The following C1QTNF9 variants were observed in gnomAD, a reference collection of about 807,000 sequenced individuals.
The protein encoded by C1QTNF9 is complement C1q and tumor necrosis factor-related protein 9A.
Under a neutral mutation model 10.1 loss-of-function variants are expected in C1QTNF9, and 6 were observed. The observed-to-expected ratio is 0.59, with a 90% CI of 0.32 to 1.17. The LOEUF is 1.17. Among genes scored for constraint, C1QTNF9 ranks in the 50% most tolerant of loss-of-function variants. The probability of loss-of-function intolerance (pLI) is 0.04; values close to 1 mark genes in which losing one functional copy is unlikely to be tolerated. For synonymous variants in C1QTNF9, 98 were observed against 163.5 expected, an observed-to-expected ratio of 0.60 and a Z score of 3.06; for missense variants, 201 against 418.8, an observed-to-expected ratio of 0.48 and a Z score of 4.54.
chr13:24,321,154 G>A lies in C1QTNF9; in HGVS notation c.388G>A (p.Val130Met), dbSNP rs758990283. The A allele has an allele frequency of 2.7e-5, 37 of 1,368,964 alleles. 1 individual carries two copies. In the African/African-American group the frequency reaches 2.9e-4, roughly 11 times the overall value. 84.8% of individuals were successfully genotyped at this position (1,368,964 alleles called of 1,614,324 possible). A position where few individuals can be genotyped will look rare whatever the true frequency, so the allele number is the denominator to read the frequency against. The change falls in exon 4 of 4, where the codon GTG becomes ATG. Residue 130 changes from valine (V) to methionine (M), a missense_variant. Val to Met is a conservative substitution (Grantham distance 21). This residue lies in a region of C1QTNF9 where 62 missense variants were observed against 250.2 expected (regional missense o/e 0.25). Transcript: ENST00000332018. ...GGGGCAGAAGGGGAATAAGGGTGACGTGGGTCCCACTGGTCCTGAGGGGCC... is the reference window on the plus strand; with the variant it reads ...GGGGCAGAAGGGGAATAAGGGTGACATGGGTCCCACTGGTCCTGAGGGGCC...
At chr13:24,308,996 C>T (rs1877708049), upstream of C1QTNF9, among the ~76,000 whole-genome samples, 1 of 152,020 alleles carries the variant, frequency 6.6e-6, no homozygotes, top group African/African-American at 2.4e-5. Flanking sequence ...TACACAAATG[C>T]CTAAACTCGT....
chr13:24,309,284 TA>T (rs1347900886), upstream of C1QTNF9, among the ~76,000 whole-genome samples: 4,630 of 15,290 alleles, frequency 0.3, 593 homozygotes, highest in African/African-American at 0.45. Flanking sequence ...CTTAAAGTAT[TA>T]TATATATATA....
exon 4 of C1QTNF9, chr13:24,321,584 T>C: frequency 6.2e-7 from 1 of 1,614,040 alleles, no homozygotes; most frequent in Non-Finnish European, 8.5e-7. Flanking sequence ...GGAGTAAAAA[T>C]ACTGCACACC....
At chr13:24,320,217 G>A (rs1037811014) in intron 3 of C1QTNF9, among the ~76,000 whole-genome samples, 2 of 152,018 alleles carry the variant, frequency 1.3e-5, no homozygotes, top group Non-Finnish European at 2.9e-5. Context: ...AGTGCTTTCT[G>A]TCATGGATTG....
intron 1 of C1QTNF9, among the ~76,000 whole-genome samples, chr13:24,313,455 G>A (rs901627914): frequency 1.3e-5 from 2 of 152,210 alleles, no homozygotes; most frequent in African/African-American, 4.8e-5. Context: ...ACAAAGTTTG[G>A]TTGATGGAAT....
At chr13:24,309,283 TTATATATATATA>T (rs72150411), upstream of C1QTNF9, among the ~76,000 whole-genome samples, 22 of 68,294 alleles carry the variant, frequency 3.2e-4, 1 homozygote, top group East Asian at 1.1e-3. Context: ...ACTTAAAGTA[TTATATATATATA>T]TATATATATA....
chr13:24,309,306 T>TATATATATATATATATATATATATATATA (rs963863876), upstream of C1QTNF9, among the ~76,000 whole-genome samples: 24 of 134,074 alleles, frequency 1.8e-4, no homozygotes, highest in African/African-American at 7.1e-4. Context: ...TATATATATA[T>TATATATATATATATATATATATATATATA]ATGAAAGAAA....
At chr13:24,314,377 A>AG in intron 1 of C1QTNF9, among the ~76,000 whole-genome samples, 1 of 147,498 alleles carries the variant, frequency 6.8e-6, no homozygotes, top group East Asian at 1.9e-4. Flanking sequence ...GTCTCTCCAA[A>AG]GAAAAAAAAA....
chr13:24,319,297 G>A (rs1447188485), intron 3 of C1QTNF9, among the ~76,000 whole-genome samples: 2 of 152,172 alleles, frequency 1.3e-5, no homozygotes, highest in African/African-American at 2.4e-5. Flanking sequence ...CCAACACTTT[G>A]GGAGGCCCAG....
intron 1 of C1QTNF9, among the ~76,000 whole-genome samples, chr13:24,311,679 G>A (rs1429755808): frequency 2.6e-5 from 4 of 152,218 alleles, no homozygotes; most frequent in Non-Finnish European, 4.4e-5. Flanking sequence ...ATTAGGATGT[G>A]GGCTCAGCTG....
chr13:24,320,733 T>TA (rs962626105), intron 3 of C1QTNF9, among the ~76,000 whole-genome samples: 13 of 151,880 alleles, frequency 8.6e-5, no homozygotes, highest in Middle Eastern at 6.8e-3. Context: ...TTTTTTTTTT[T>TA]AGAGTCAGGG....
upstream of C1QTNF9, among the ~76,000 whole-genome samples, chr13:24,309,024 C>A (rs923358072): frequency 1.4e-4 from 22 of 151,886 alleles, no homozygotes; most frequent in African/African-American, 3.1e-4. Context: ...TACGACACAC[C>A]CATCTGAAAA....
exon 4 of C1QTNF9, chr13:24,321,763 C>T (rs2138814597): frequency 6.4e-7 from 1 of 1,564,166 alleles, no homozygotes; most frequent in Non-Finnish European, 8.7e-7. Context: ...GTTCAGCAGC[C>T]CGTGACAGAG....
At chr13:24,319,968 A>G (rs372354294) in intron 3 of C1QTNF9, among the ~76,000 whole-genome samples, 32 of 152,212 alleles carry the variant, frequency 2.1e-4, no homozygotes, top group African/African-American at 3.6e-4. Context: ...CTGGCATTTA[A>G]CCTCAGAGTC....
chr13:24,313,865 A>G (rs1224204952), intron 1 of C1QTNF9, among the ~76,000 whole-genome samples: 2 of 152,250 alleles, frequency 1.3e-5, no homozygotes, highest in African/African-American at 4.8e-5. Context: ...GTACATTTAT[A>G]ATGTGCATGG....
upstream of C1QTNF9, among the ~76,000 whole-genome samples, chr13:24,308,145 G>A (rs1877669074): frequency 6.6e-6 from 1 of 152,250 alleles, no homozygotes; most frequent in Admixed American, 6.5e-5. Context: ...GAGGCCCGAG[G>A]CTGTGCTTCC....
rs77311957 is a variant in C1QTNF9, at chr13:24,315,831, T to G, written c.-22-151T>G. 6.3e-4 allele frequency: 464 copies of G among 741,912 alleles called. 2 individuals carry two copies. In the East Asian group the frequency reaches 0.011, roughly 18 times the overall value. The allele number at this position is 741,912 out of a possible 1,614,324, so 46.0% of individuals were successfully genotyped here. On this transcript the variant is annotated intron_variant, in intron 1 of 3. Coordinates refer to ENST00000332018, the Ensembl canonical transcript of C1QTNF9. ...GTCATTCTGGTTATAATCAGCTTGC[T>G]CCCCTGCCCTGAGCCTTCTGTCCAA... is the stretch of plus-strand genomic sequence containing the variant.
At chr13:24,316,202 C>G (rs767757156) in intron 2 of C1QTNF9, 33 bp downstream of exon 2, 33 of 1,508,502 alleles carry the variant, frequency 2.2e-5, no homozygotes, top group Non-Finnish European at 9.1e-7. Flanking sequence ...TGCCTTTCAA[C>G]TTCTCTCTTC....
upstream of C1QTNF9, chr13:24,307,205 TCAGG>T (rs1877631380): frequency 6.6e-6 from 1 of 152,190 alleles, no homozygotes; most frequent in Non-Finnish European, 1.5e-5. Context: ...ACTCATCCAT[TCAGG>T]AGCTCCATGT....
Sources: allele counts gnomAD v4.1 joint callset (sites outside exome capture counted in the v4.1 genomes callset), GRCh38; gene constraint gnomAD v4.1.1; regional missense constraint gnomAD v4.1.1; transcripts MANE v1.5; gene names NCBI Gene and HGNC (gene_info 2026-07-23, HGNC 2026-07-21).